CSGALNACT1: variants seen among roughly 807,000 people sequenced by gnomAD.
CSGALNACT1 encodes chondroitin sulfate N-acetylgalactosaminyltransferase 1, also known as beta4GalNAcT-1.
A neutral mutation model predicts 51.0 loss-of-function variants in CSGALNACT1; 52 were observed. The observed-to-expected ratio is 1.02, with a 90% CI of 0.82 to 1.29. CSGALNACT1 has a LOEUF of 1.29. Ranked by LOEUF, CSGALNACT1 falls within the 50% of genes most tolerant of loss-of-function variation. CSGALNACT1 has a pLI of 0.00. For missense variants in CSGALNACT1, 935 were observed against 679.2 expected, an observed-to-expected ratio of 1.38 and a Z score of -4.19; for synonymous variants, 341 against 254.4, an observed-to-expected ratio of 1.34 and a Z score of -3.24.
rs2061301343 is a variant in CSGALNACT1, at chr8:19,691,256, G to C, written c.-297+66594C>G. On this transcript the variant is annotated intron_variant, in intron 1 of 1. Coordinates refer to the CSGALNACT1 transcript ENST00000517494. ...AGCAAAGGGGTCAAGCTGGGTTCCTGGGAAGTTCCCCATAAATTTCAGCCA... is the reference window on the plus strand; with the variant it reads ...AGCAAAGGGGTCAAGCTGGGTTCCTCGGAAGTTCCCCATAAATTTCAGCCA... Among the ~76,000 whole-genome samples, 5 of 152,226 alleles carry C rather than the reference G, an allele frequency of 3.3e-5. No homozygotes were observed. The South Asian group carries it at 1.0e-3, about 32-fold the overall frequency.
chr8:19,742,500 C>A (rs1316290524), intron 1 of CSGALNACT1, among the ~76,000 whole-genome samples: 1 of 152,226 alleles, frequency 6.6e-6, no homozygotes, highest in Non-Finnish European at 1.5e-5. Flanking sequence ...GAACACCCAA[C>A]TCCTCCGCTG....
chr8:19,676,101 C>CAAAAAAAA (rs1255611611), intron 1 of CSGALNACT1, among the ~76,000 whole-genome samples: 1 of 128,080 alleles, frequency 7.8e-6, no homozygotes. Flanking sequence ...CAAAACAAAA[C>CAAAAAAAA]AAAAAAAACT....
chr8:19,513,219 G>A (rs761580015), intron 3 of CSGALNACT1, among the ~76,000 whole-genome samples: 13 of 151,950 alleles, frequency 8.6e-5, no homozygotes, highest in Admixed American at 6.6e-4. Flanking sequence ...GAATATTAGA[G>A]GTGGGTGGTA....
rs1027137035 is a variant in CSGALNACT1, at chr8:19,570,737, T to C, written c.-297+20423A>G. On this transcript the variant is annotated intron_variant, in intron 3 of 9. Coordinates refer to ENST00000454498, the Ensembl canonical transcript of CSGALNACT1. ...CAACATGGTGAAACCCCATGTCTAC[T>C]AAAAACACAAAAATTAGCCAAGTGT... 7.9e-5 allele frequency among the ~76,000 whole-genome samples: 12 copies of C among 152,062 alleles called. No homozygotes were observed. In the East Asian group the frequency reaches 1.5e-3, roughly 20 times the overall value.
chr8:19,488,748 C>T (rs1423151760), intron 4 of CSGALNACT1, among the ~76,000 whole-genome samples: 1 of 151,972 alleles, frequency 6.6e-6, no homozygotes, highest in African/African-American at 2.4e-5. Flanking sequence ...TTATAACAAC[C>T]CGACAGGGTA....
intron 4 of CSGALNACT1, 89 bp downstream of exon 3, chr8:19,505,112 G>C: frequency 6.9e-7 from 1 of 1,447,844 alleles, no homozygotes; most frequent in East Asian, 2.3e-5. Context: ...AGAGCCAGCT[G>C]CCAGCCTCCT....
intron 1 of CSGALNACT1, among the ~76,000 whole-genome samples, chr8:19,720,413 C>T (rs184199375): frequency 6.6e-6 from 1 of 152,132 alleles, no homozygotes; most frequent in Non-Finnish European, 1.5e-5. Context: ...CTGGGGTGCT[C>T]AAAAGAGTTC....
At chr8:19,541,075 T>C (rs2154070084) in intron 3 of CSGALNACT1, among the ~76,000 whole-genome samples, 1 of 150,432 alleles carries the variant, frequency 6.6e-6, no homozygotes, top group East Asian at 1.9e-4. Flanking sequence ...TAATGTATTT[T>C]CTCTGGGTGA....
upstream of CSGALNACT1, among the ~76,000 whole-genome samples, chr8:19,686,621 C>A (rs1373568857): frequency 6.6e-6 from 1 of 152,236 alleles, no homozygotes; most frequent in East Asian, 1.9e-4. Flanking sequence ...ACAAACTCCA[C>A]TGGGCATAAA....
intron 1 of CSGALNACT1, among the ~76,000 whole-genome samples, chr8:19,719,561 A>G (rs1160684347): frequency 6.6e-6 from 1 of 152,220 alleles, no homozygotes; most frequent in African/African-American, 2.4e-5. Flanking sequence ...CAGGAGCTAA[A>G]TGTCCAAAAT....
intron 1 of CSGALNACT1, among the ~76,000 whole-genome samples, chr8:19,727,893 A>G (rs552855021): frequency 1.2e-4 from 18 of 152,306 alleles, no homozygotes; most frequent in African/African-American, 4.1e-4. Context: ...CTCAGACCAC[A>G]TGAGAGGGAA....
At chr8:19,500,730 A>G (rs2076270831) in intron 4 of CSGALNACT1, among the ~76,000 whole-genome samples, 1 of 152,190 alleles carries the variant, frequency 6.6e-6, no homozygotes, top group Admixed American at 6.5e-5. Context: ...GTTTATAGCT[A>G]TCTCCCTGTG....
chr8:19,510,580 GA>G (rs1381125789), intron 3 of CSGALNACT1, among the ~76,000 whole-genome samples: 1 of 152,062 alleles, frequency 6.6e-6, no homozygotes, highest in African/African-American at 2.4e-5. Flanking sequence ...GCTTGTAGAG[GA>G]ACTAACGTCC....
chr8:19,721,430 C>T (rs1367911307), intron 1 of CSGALNACT1, among the ~76,000 whole-genome samples: 2 of 152,198 alleles, frequency 1.3e-5, no homozygotes, highest in Admixed American at 1.3e-4. Flanking sequence ...TAGGCACAGA[C>T]AACAACACAT....
chr8:19,467,379 C>A (rs535862821), intron 4 of CSGALNACT1, among the ~76,000 whole-genome samples: 20 of 152,032 alleles, frequency 1.3e-4, no homozygotes, highest in Non-Finnish European at 7.4e-5. Flanking sequence ...CCTCGGCCCC[C>A]CAAAGTGCTG....
At chr8:19,753,659 G>A (rs1381842405) in intron 1 of CSGALNACT1, among the ~76,000 whole-genome samples, 1 of 152,030 alleles carries the variant, frequency 6.6e-6, no homozygotes, top group African/African-American at 2.4e-5. Context: ...CCACACCTGG[G>A]TCTAACTGTT....
chr8:19,410,517 C>T (rs919152741), intron 8 of CSGALNACT1, among the ~76,000 whole-genome samples: 2 of 152,140 alleles, frequency 1.3e-5, no homozygotes, highest in South Asian at 2.1e-4. Context: ...TCAAATATTT[C>T]GCTGAGGATC....
chr8:19,422,996 GA>G (rs1367550638), intron 6 of CSGALNACT1, among the ~76,000 whole-genome samples: 1 of 152,088 alleles, frequency 6.6e-6, no homozygotes, highest in Non-Finnish European at 1.5e-5. Flanking sequence ...ATTATACAGG[GA>G]TATCTTCTAA....
intron 3 of CSGALNACT1, among the ~76,000 whole-genome samples, chr8:19,562,595 T>C (rs1233597111): frequency 6.6e-6 from 1 of 151,538 alleles, no homozygotes; most frequent in East Asian, 1.9e-4. Context: ...TAAACAAATT[T>C]ACAACAAAAA....
Sources: gnomAD v4.1 joint callset for allele counts (sites outside exome capture counted in the v4.1 genomes callset) on GRCh38, gnomAD v4.1.1 for gene constraint, MANE v1.5 for transcripts, NCBI Gene and HGNC (gene_info 2026-07-23, HGNC 2026-07-21) for gene names.